The following ABAT variants were observed in gnomAD, a reference collection of about 807,000 sequenced individuals.
ABAT encodes 4-aminobutyrate aminotransferase, also known as 4-aminobutyrate aminotransferase, mitochondrial.
A neutral mutation model predicts 64.6 loss-of-function variants in ABAT; 45 were observed. The ratio of observed to expected loss-of-function variants is 0.70; its 90% CI spans 0.55 to 0.89. ABAT has a LOEUF of 0.89. Ranked by LOEUF, ABAT falls within the 40% of genes least tolerant of loss-of-function variation. The pLI, the probability that ABAT is intolerant of heterozygous loss-of-function variation, is 0.00. For missense variants in ABAT, 633 were observed against 658.4 expected (o/e 0.96, Z 0.42); for synonymous variants, 297 against 250.5 (o/e 1.19, Z -1.75).
chr16:8,699,461 G>T (rs1332487898), intron 1 of ABAT, among the ~76,000 whole-genome samples: 2 of 152,142 alleles, frequency 1.3e-5, no homozygotes, highest in African/African-American at 2.4e-5. Context: ...AGGAGGTTGA[G>T]TCAGGAGAAT....
At chr16:8,753,004 A>G (rs1475586040) in intron 5 of ABAT, among the ~76,000 whole-genome samples, 1 of 152,104 alleles carries the variant, frequency 6.6e-6, no homozygotes, top group African/African-American at 2.4e-5. Flanking sequence ...CCGAGTCTCA[A>G]GAGCTTGCAG....
chr16:8,772,671 A>T, intron 11 of ABAT, 109 bp from the exon 12 acceptor site: 1 of 1,449,662 alleles, frequency 6.9e-7, no homozygotes, highest in Non-Finnish European at 9.7e-7. Context: ...ATGCACACAA[A>T]CACATTTCCA....
At chr16:8,770,930 AAGAT>A (rs2060086894) in intron 11 of ABAT, among the ~76,000 whole-genome samples, 1 of 152,170 alleles carries the variant, frequency 6.6e-6, no homozygotes. Context: ...TAAACAAACT[AAGAT>A]AGTCCTTTTC....
chr16:8,766,710 T>G (rs1434328866), intron 9 of ABAT, among the ~76,000 whole-genome samples: 2 of 151,694 alleles, frequency 1.3e-5, no homozygotes, highest in African/African-American at 4.9e-5. Context: ...GGTTCACGCC[T>G]GTAATCCCAG....
intron 1 of ABAT, chr16:8,705,649 C>G (rs2057923479): frequency 6.6e-6 from 1 of 152,142 alleles, no homozygotes; most frequent in Non-Finnish European, 1.5e-5. Flanking sequence ...GCTTTCAGAC[C>G]TGAGATCAGA....
In ABAT at chr16:8,750,536, A is replaced by G. The variant is rs752580692; in HGVS notation, c.313A>G (p.Ile105Val). ...TTATTCCCAGATCTCCTCTGTCCCC[A>G]TAGGTAAGAGCTGGGAAATCATTCC... ...DLYSQISSVP[I>V]GYSHPALLKL... The change falls in exon 5 of 16, where the codon ATA (isoleucine) becomes GTA (valine). Residue 105 changes from isoleucine (I) to valine (V), a missense_variant. Transcript: ENST00000268251. 89 of 1,612,962 alleles carry G rather than the reference A, an allele frequency of 5.5e-5. No individual in the cohort carries two copies. The highest frequency in any genetic ancestry group is 7.0e-5 in the Non-Finnish European group (83 of 1,179,120).
chr16:8,751,795 C>T (rs1281700757), intron 5 of ABAT, among the ~76,000 whole-genome samples: 1 of 152,080 alleles, frequency 6.6e-6, no homozygotes, highest in Admixed American at 6.6e-5. Flanking sequence ...ATGCCCACAG[C>T]GTCTGCCTCC....
intron 1 of ABAT, among the ~76,000 whole-genome samples, chr16:8,710,497 G>C (rs563301516): frequency 1.3e-5 from 2 of 152,130 alleles, no homozygotes; most frequent in East Asian, 3.9e-4. Flanking sequence ...CAGCACTTTG[G>C]GAGGCGAGGT....
intron 6 of ABAT, among the ~76,000 whole-genome samples, chr16:8,762,157 C>A (rs1279481855): frequency 6.6e-6 from 1 of 152,180 alleles, no homozygotes; most frequent in Non-Finnish European, 1.5e-5. Flanking sequence ...AGCCACTGTG[C>A]CCGACCTCCA....
rs147735241 is a variant in ABAT at position 8,711,387 on chromosome 16, G to C, written c.-41-24312G>C. Among the ~76,000 whole-genome samples, 4 of 152,298 alleles carry C rather than the reference G, an allele frequency of 2.6e-5. No homozygotes were observed. The East Asian group carries it at 7.7e-4, about 29-fold the overall frequency. On this transcript the variant is annotated intron_variant, in intron 1 of 15. Coordinates refer to ENST00000268251, the MANE Select transcript of ABAT (RefSeq NM_020686.6). Reference sequence around the variant, plus strand: ...GTAAGGAGGGAGAGGGTGGAGCCCAGAGCTACCGTGGAAGTCAAATTCCGT... The same window carrying C: ...GTAAGGAGGGAGAGGGTGGAGCCCACAGCTACCGTGGAAGTCAAATTCCGT...
intron 11 of ABAT, 24 bp downstream of exon 11, chr16:8,768,997 C>T (rs1357845238): frequency 6.2e-7 from 1 of 1,613,806 alleles, no homozygotes; most frequent in Non-Finnish European, 8.5e-7. Context: ...CCTGCGGATC[C>T]TCCCCAACCA....
Position 8,776,605 on chromosome 16 carries a change from AC to A in ABAT, c.1269+116del. 1 of 1,163,448 alleles carries A rather than the reference AC, an allele frequency of 8.6e-7. No individual in the cohort carries two copies. The highest frequency in any genetic ancestry group is 1.3e-5 in the South Asian group (1 of 75,262). The allele number at this position is 1,163,448 out of a possible 1,614,324, so 72.1% of individuals were successfully genotyped here. ...GTGCCTGCTGTTCCAGCAGTTCGTAACGGGCTGTGCTGCTCCTAGCCTTGGG... is the reference window on the plus strand; with the variant it reads ...GTGCCTGCTGTTCCAGCAGTTCGTAAGGGCTGTGCTGCTCCTAGCCTTGGG... On this transcript the variant is annotated intron_variant, in intron 14 of 15. Transcript: ENST00000268251. The surrounding 1 kb of genome is among the most constrained non-coding windows in gnomAD (Gnocchi z 4.4).
intron 1 of ABAT, among the ~76,000 whole-genome samples, chr16:8,676,323 C>T (rs764871345): frequency 6.6e-6 from 1 of 151,964 alleles, no homozygotes; most frequent in Non-Finnish European, 1.5e-5. Flanking sequence ...TCAAGGTCAC[C>T]CAGCCTGTGG....
intron 1 of ABAT, among the ~76,000 whole-genome samples, chr16:8,724,009 T>G (rs139036117): frequency 0.051 from 7,757 of 151,254 alleles, 443 homozygotes; most frequent in East Asian, 0.28. Flanking sequence ...CATGGCTAAT[T>G]TTTATATTTT....
At chr16:8,780,730 C>G (rs1419420156) in intron 15 of ABAT, 1 of 186,308 alleles carries the variant, frequency 5.4e-6, no homozygotes, top group African/African-American at 2.4e-5. Context: ...GCCACTGCAC[C>G]CCAGCCTGGG....
chr16:8,783,395 C>A lies in ABAT; in HGVS notation c.*1965C>A, dbSNP rs553329538. 1 of 152,050 alleles carries A rather than the reference C, an allele frequency of 6.6e-6. No homozygotes were observed. Among genetic ancestry groups the A allele is most frequent in the Admixed American group, 6.6e-5 (1 of 15,260 alleles). 9.4% of individuals were successfully genotyped at this position (152,050 alleles called of 1,614,324 possible). The stretch of plus-strand genomic sequence containing the variant: ...GGTGTGAATAAAAGCATCAGGAAAT[C>A]GGATGGAGAACCACCATTCACCCAA... On this transcript the variant is annotated 3_prime_UTR_variant, in exon 16 of 16. Coordinates refer to ENST00000268251, the MANE Select transcript of ABAT (RefSeq NM_020686.6).
intron 1 of ABAT, among the ~76,000 whole-genome samples, chr16:8,711,774 GGATGGATGGGAA>G (rs1281385408): frequency 1.3e-3 from 187 of 141,416 alleles, no homozygotes; most frequent in South Asian, 3.9e-3. Flanking sequence ...ATGGATGGAT[GGATGGATGGGAA>G]GATGGATGGA....
intron 11 of ABAT, among the ~76,000 whole-genome samples, chr16:8,769,178 C>T (rs1041444837): frequency 2.0e-5 from 3 of 152,220 alleles, no homozygotes; most frequent in African/African-American, 7.2e-5. Flanking sequence ...TCTGTCACAG[C>T]ATCCATCACC....
chr16:8,715,073 A>C (rs2058175739), intron 1 of ABAT: 1 of 152,144 alleles, frequency 6.6e-6, no homozygotes, highest in Non-Finnish European at 1.5e-5. Flanking sequence ...AATCACTTGG[A>C]CCCTCTGACA....
Sources: gnomAD v4.1 joint callset for allele counts (sites outside exome capture counted in the v4.1 genomes callset) on GRCh38, gnomAD v4.1.1 for gene constraint, Gnocchi (gnomAD v3.1) non-coding constraint, MANE v1.5 for transcripts, NCBI Gene and HGNC (gene_info 2026-07-23, HGNC 2026-07-21) for gene names.